The following ANKFN1 variants were observed in gnomAD, a reference collection of about 807,000 sequenced individuals.
ANKFN1 encodes the protein ankyrin repeat and fibronectin type-III domain-containing protein 1.
A neutral mutation model predicts 108.7 loss-of-function variants in ANKFN1; 74 were observed. That is an observed-to-expected ratio of 0.68 (90% CI 0.56 to 0.83). The LOEUF (loss-of-function observed/expected upper bound fraction) is 0.83. ANKFN1 is among the 40% of genes least tolerant of loss of function. The pLI is 0.00. For missense variants in ANKFN1, 1,505 were observed against 1,382.3 expected (o/e 1.09, Z -1.41); for synonymous variants, 547 against 516.2 (o/e 1.06, Z -0.81).
chr17:56,454,212 G>T (rs528891216), intron 11 of ANKFN1, among the ~76,000 whole-genome samples: 2 of 151,396 alleles, frequency 1.3e-5, no homozygotes, highest in Non-Finnish European at 2.9e-5. Context: ...TACTTTCTTG[G>T]AGATTTCATC....
intron 4 of ANKFN1, among the ~76,000 whole-genome samples, chr17:56,088,849 T>C (rs1197327429): frequency 6.6e-6 from 1 of 151,350 alleles, no homozygotes; most frequent in Non-Finnish European, 1.5e-5. Context: ...ACAAGGCTAA[T>C]AGCTTCTTTA....
intron 19 of ANKFN1, among the ~76,000 whole-genome samples, chr17:56,496,984 T>C (rs937395866): frequency 7.2e-5 from 11 of 152,168 alleles, no homozygotes; most frequent in African/African-American, 2.7e-4. Context: ...CATTCATTCA[T>C]TCATTAAACA....
intron 8 of ANKFN1, among the ~76,000 whole-genome samples, chr17:56,416,747 T>C (rs1598568194): frequency 6.6e-6 from 1 of 152,182 alleles, no homozygotes. Context: ...CAAAAAGATA[T>C]GTGCACTCCC....
chr17:56,075,975 T>C (rs905459663), intron 4 of ANKFN1, among the ~76,000 whole-genome samples: 1 of 152,194 alleles, frequency 6.6e-6, no homozygotes, highest in Admixed American at 6.5e-5. Flanking sequence ...ATGCTGGTTC[T>C]CAAAGACAGA....
intron 20 of ANKFN1, among the ~76,000 whole-genome samples, chr17:56,510,172 G>A (rs563722350): frequency 2.6e-5 from 4 of 152,216 alleles, no homozygotes; most frequent in Admixed American, 6.5e-5. Context: ...TAATAAAAGC[G>A]TGTGTGGGAA....
chr17:56,466,326 C>G, intron 14 of ANKFN1, 30 bp from the exon 15 acceptor site: 1 of 1,577,420 alleles, frequency 6.3e-7, no homozygotes, highest in Non-Finnish European at 8.7e-7. Flanking sequence ...ATAATACCCT[C>G]TATGCTACCG....
intron 1 of ANKFN1, among the ~76,000 whole-genome samples, chr17:56,169,370 G>C (rs6505042): frequency 0.72 from 109,116 of 151,952 alleles, 39,808 homozygotes; most frequent in East Asian, 0.94. Context: ...CTCCTGGGCT[G>C]AAGCAATCCT....
At chr17:56,404,645 G>C (rs961307090) in intron 8 of ANKFN1, among the ~76,000 whole-genome samples, 17 of 152,098 alleles carry the variant, frequency 1.1e-4, no homozygotes, top group African/African-American at 4.1e-4. Flanking sequence ...CTAACCTCAT[G>C]AATTCTTTTT....
At chr17:56,249,049 A>T (rs949560534) in intron 3 of ANKFN1, among the ~76,000 whole-genome samples, 5 of 152,206 alleles carry the variant, frequency 3.3e-5, no homozygotes, top group African/African-American at 9.6e-5. Context: ...GGTCACCTAC[A>T]GTTTGGTTAG....
intron 4 of ANKFN1, among the ~76,000 whole-genome samples, chr17:56,127,859 A>C (rs1215276885): frequency 6.6e-6 from 1 of 152,222 alleles, no homozygotes; most frequent in African/African-American, 2.4e-5. Context: ...TAGTGAAGGT[A>C]ATTCCTATGC....
intron 18 of ANKFN1, among the ~76,000 whole-genome samples, chr17:56,491,252 G>T (rs921498843): frequency 6.6e-6 from 1 of 152,168 alleles, no homozygotes; most frequent in Non-Finnish European, 1.5e-5. Context: ...GGAACACACT[G>T]GTACAGGCCA....
intron 1 of ANKFN1, among the ~76,000 whole-genome samples, chr17:56,175,170 A>T (rs186425554): frequency 7.2e-5 from 11 of 152,360 alleles, no homozygotes; most frequent in Admixed American, 3.9e-4. Context: ...AGATATCAAA[A>T]TAAGTGCTCT....
chr17:56,116,420 A>G (rs545931435), intron 4 of ANKFN1, among the ~76,000 whole-genome samples: 96 of 152,270 alleles, frequency 6.3e-4, no homozygotes, highest in South Asian at 1.7e-3. Flanking sequence ...TCTCATGTTG[A>G]AATTTGATCC....
chr17:56,514,733 G>A lies in ANKFN1; in HGVS notation c.*3464G>A, dbSNP rs767777209. 1.3e-5 allele frequency among the ~76,000 whole-genome samples: 2 copies of A among 152,006 alleles called. No individual in the cohort carries two copies. The highest frequency in any genetic ancestry group is 2.9e-5 in the Non-Finnish European group (2 of 68,002). On this transcript the variant is annotated 3_prime_UTR_variant, in exon 21 of 21. Coordinates refer to ENST00000682825, the MANE Select transcript of ANKFN1 (RefSeq NM_001370326.1). ...TGAAGCAAGTTAGTAATAATATTTCGCCAGTCCTCTTTCCTGAAGGATCCC... is the reference window on the plus strand; with the variant it reads ...TGAAGCAAGTTAGTAATAATATTTCACCAGTCCTCTTTCCTGAAGGATCCC...
At chr17:56,199,654 A>AC (rs1267532756) in intron 1 of ANKFN1, among the ~76,000 whole-genome samples, 3 of 151,942 alleles carry the variant, frequency 2.0e-5, no homozygotes, top group African/African-American at 7.3e-5. Context: ...TCTAACACTC[A>AC]CCCCATGAAC....
At chr17:56,253,048 C>T (rs577817458) in intron 3 of ANKFN1, among the ~76,000 whole-genome samples, 15 of 151,990 alleles carry the variant, frequency 9.9e-5, no homozygotes, top group African/African-American at 3.1e-4. Flanking sequence ...GGTGACAGAG[C>T]GAGACCTTGT....
chr17:56,095,277 C>T (rs1207988045), intron 4 of ANKFN1, among the ~76,000 whole-genome samples: 3 of 149,612 alleles, frequency 2.0e-5, no homozygotes, highest in South Asian at 4.2e-4. Flanking sequence ...CACCCAGCTG[C>T]TTGTTGAATG....
intron 4 of ANKFN1, among the ~76,000 whole-genome samples, chr17:56,107,813 C>T (rs566737979): frequency 7.2e-5 from 11 of 152,282 alleles, no homozygotes; most frequent in East Asian, 1.9e-4. Flanking sequence ...TGCCCTCAAA[C>T]GCATTCACTG....
chr17:56,286,018 T>G (rs777644224), intron 3 of ANKFN1, among the ~76,000 whole-genome samples: 2 of 152,124 alleles, frequency 1.3e-5, no homozygotes, highest in Non-Finnish European at 2.9e-5. Context: ...TCAAAAAAAA[T>G]GTATAAAGCA....
Sources: gnomAD v4.1 joint callset for allele counts (sites outside exome capture counted in the v4.1 genomes callset) on GRCh38, gnomAD v4.1.1 for gene constraint, MANE v1.5 for transcripts, NCBI Gene and HGNC (gene_info 2026-07-23, HGNC 2026-07-21) for gene names.